SPAG16: variants seen among roughly 807,000 people sequenced by gnomAD.
The protein encoded by SPAG16 is sperm-associated antigen 16 protein.
SPAG16 carries 86 observed loss-of-function variants against 80.4 expected under a neutral mutation model. That is an observed-to-expected ratio of 1.07 (90% CI 0.90 to 1.28). The LOEUF (loss-of-function observed/expected upper bound fraction) is 1.28, where lower values mean the gene tolerates loss of function less well. SPAG16 is among the 50% of genes most tolerant of loss of function. The pLI, the probability that SPAG16 is intolerant of heterozygous loss-of-function variation, is 0.00. For synonymous variants in SPAG16, 294 were observed against 265.9 expected, an observed-to-expected ratio of 1.11 and a Z score of -1.03; for missense variants, 870 against 765.3, an observed-to-expected ratio of 1.14 and a Z score of -1.61.
At chr2:213,496,980 A>G (rs1282723589) in intron 10 of SPAG16, among the ~76,000 whole-genome samples, 1 of 151,794 alleles carries the variant, frequency 6.6e-6, no homozygotes, top group African/African-American at 2.4e-5. Flanking sequence ...CATTTCTAAG[A>G]GAAAGAACTT....
intron 10 of SPAG16, among the ~76,000 whole-genome samples, chr2:213,594,591 C>A: frequency 6.6e-6 from 1 of 152,172 alleles, no homozygotes; most frequent in Non-Finnish European, 1.5e-5. Context: ...TCATTGCCCC[C>A]TGAAAATTTC....
intron 10 of SPAG16, among the ~76,000 whole-genome samples, chr2:213,804,145 C>CA (rs1271324214): frequency 1.3e-5 from 2 of 151,894 alleles, no homozygotes; most frequent in African/African-American, 2.4e-5. Context: ...AAATTGGGCA[C>CA]AAAAAAACAG....
chr2:213,769,101 A>G (rs1426143823), intron 10 of SPAG16, among the ~76,000 whole-genome samples: 1 of 152,206 alleles, frequency 6.6e-6, no homozygotes, highest in African/African-American at 2.4e-5. Flanking sequence ...TTAAAGAAGT[A>G]TTGGTAGCCT....
intron 12 of SPAG16, among the ~76,000 whole-genome samples, chr2:214,013,121 C>G (rs2047399589): frequency 6.6e-6 from 1 of 151,370 alleles, no homozygotes; most frequent in Non-Finnish European, 1.5e-5. Flanking sequence ...AATTCCCAGG[C>G]TCCATCATCA....
intron 10 of SPAG16, among the ~76,000 whole-genome samples, chr2:213,607,143 C>A (rs1340607395): frequency 6.6e-6 from 1 of 152,060 alleles, no homozygotes; most frequent in African/African-American, 2.4e-5. Flanking sequence ...TAGTAATCAG[C>A]CATGAAAGTT....
rs77457398 is a variant in SPAG16, at chr2:213,444,630, C to T, written c.943-45333C>T. Among the ~76,000 whole-genome samples the T allele has an allele frequency of 8.6e-3, 1,316 of 152,166 alleles. 20 individuals carry two copies. The highest frequency in any genetic ancestry group is 0.03 in the African/African-American group (1,228 of 41,524). ...CATCTAATCCATGGACATGAGATAT[C>T]TTTCCATTTTTTGTTCCCTCTTTTA... On this transcript the variant is annotated intron_variant, in intron 9 of 15. Transcript: ENST00000331683.
chr2:214,286,067 A>T (rs1022099197), intron 15 of SPAG16, among the ~76,000 whole-genome samples: 1 of 152,202 alleles, frequency 6.6e-6, no homozygotes, highest in Non-Finnish European at 1.5e-5. Context: ...AAAGTGAAGT[A>T]AGCCAGACAC....
chr2:213,289,087 A>G (rs1305977951), intron 1 of SPAG16, among the ~76,000 whole-genome samples: 1 of 152,214 alleles, frequency 6.6e-6, no homozygotes, highest in East Asian at 1.9e-4. Context: ...GGGGAGCTTT[A>G]AATAAATATT....
At chr2:213,572,838 T>C (rs1011259646) in intron 10 of SPAG16, among the ~76,000 whole-genome samples, 22 of 152,230 alleles carry the variant, frequency 1.4e-4, no homozygotes, top group Admixed American at 1.2e-3. Flanking sequence ...TCCCCCAGCC[T>C]CGCTGCTGCC....
intron 15 of SPAG16, among the ~76,000 whole-genome samples, chr2:214,219,917 A>G (rs1461874359): frequency 2.0e-5 from 3 of 152,138 alleles, no homozygotes; most frequent in Non-Finnish European, 4.4e-5. Context: ...TTATTAATAA[A>G]CTTACTACAC....
chr2:214,224,932 C>T (rs2058667095), intron 15 of SPAG16, among the ~76,000 whole-genome samples: 1 of 151,936 alleles, frequency 6.6e-6, no homozygotes, highest in Non-Finnish European at 1.5e-5. Flanking sequence ...GGGAAATTAA[C>T]TGGTGCACAA....
At chr2:213,919,404 T>A (rs1271990778) in intron 11 of SPAG16, among the ~76,000 whole-genome samples, 1 of 152,200 alleles carries the variant, frequency 6.6e-6, no homozygotes, top group Non-Finnish European at 1.5e-5. Context: ...TCTTTCTAAC[T>A]TTTTGATGTG....
At chr2:213,707,391 T>A (rs2065804070) in intron 10 of SPAG16, among the ~76,000 whole-genome samples, 1 of 152,228 alleles carries the variant, frequency 6.6e-6, no homozygotes, top group Non-Finnish European at 1.5e-5. Context: ...TGACTCACTG[T>A]TACTCACTCT....
At chr2:213,566,522 C>G (rs900117658) in intron 10 of SPAG16, among the ~76,000 whole-genome samples, 1 of 152,054 alleles carries the variant, frequency 6.6e-6, no homozygotes, top group South Asian at 2.1e-4. Context: ...TATTGAGAGT[C>G]GACAACCTTA....
chr2:214,307,190 C>A (rs1181422457), intron 15 of SPAG16, among the ~76,000 whole-genome samples: 1 of 152,098 alleles, frequency 6.6e-6, no homozygotes, highest in Non-Finnish European at 1.5e-5. Flanking sequence ...TCGTAATGTT[C>A]TCTGATGTTT....
intron 13 of SPAG16, among the ~76,000 whole-genome samples, chr2:214,039,211 C>T (rs1307300039): frequency 2.6e-5 from 4 of 152,156 alleles, no homozygotes; most frequent in African/African-American, 9.7e-5. Flanking sequence ...CCTGTTGTTT[C>T]TTGACTTTTT....
chr2:214,235,524 A>T (rs893424958), intron 15 of SPAG16, among the ~76,000 whole-genome samples: 10 of 152,120 alleles, frequency 6.6e-5, no homozygotes, highest in Non-Finnish European at 1.2e-4. Flanking sequence ...AAACACCTAC[A>T]GCTTTAAACA....
intron 15 of SPAG16, among the ~76,000 whole-genome samples, chr2:214,348,341 AGAGGTT>A (rs1236045926): frequency 6.6e-6 from 1 of 152,224 alleles, no homozygotes; most frequent in East Asian, 1.9e-4. Context: ...ATTTGCGACC[AGAGGTT>A]GGGCTCTGAC....
chr2:213,413,112 A>G (rs1197880616), intron 9 of SPAG16, among the ~76,000 whole-genome samples: 1 of 152,152 alleles, frequency 6.6e-6, no homozygotes, highest in Admixed American at 6.5e-5. Flanking sequence ...GATACTATAA[A>G]TGAGACTATA....
Sources: allele counts gnomAD v4.1 joint callset (sites outside exome capture counted in the v4.1 genomes callset), GRCh38; gene constraint gnomAD v4.1.1; transcripts MANE v1.5; gene names NCBI Gene and HGNC (gene_info 2026-07-23, HGNC 2026-07-21).